The following EBF3 variants were observed in gnomAD, a reference collection of about 807,000 sequenced individuals.
The protein encoded by EBF3 is EBF transcription factor 3.
EBF3 carries 18 observed loss-of-function variants against 77.1 expected under a neutral mutation model. The observed-to-expected ratio is 0.23, with a 90% confidence interval of 0.16 to 0.35. The LOEUF is 0.35. EBF3 is among the 10% of genes least tolerant of loss of function. The pLI, the probability that EBF3 is intolerant of heterozygous loss-of-function variation, is 1.00. For synonymous variants in EBF3, 350 were observed against 343.5 expected, an observed-to-expected ratio of 1.02 and a Z score of -0.21; for missense variants, 558 against 860.0, an observed-to-expected ratio of 0.65 and a Z score of 4.39.
At chr10:129,896,499 G>A (rs913237911) in intron 6 of EBF3, among the ~76,000 whole-genome samples, 5 of 152,202 alleles carry the variant, frequency 3.3e-5, no homozygotes, top group Admixed American at 2.0e-4. Flanking sequence ...TGGACGGGGC[G>A]GGGGCCGGCG....
In EBF3 at chr10:129,903,840, C is replaced by T. The variant is rs115062575; in HGVS notation, c.555-25991G>A. On this transcript the variant is annotated intron_variant, in intron 6 of 16. Transcript: ENST00000440978. ...CATAGGAATCACAGCATTTTACTGC[C>T]GGGAGAGGAGTCTCAGATAGAATTC... Among the ~76,000 whole-genome samples, 228 of 152,156 alleles carry T rather than the reference C, an allele frequency of 1.5e-3. 1 individual carries two copies. The highest frequency in any genetic ancestry group is 5.3e-3 in the African/African-American group (221 of 41,518).
At chr10:129,958,903 G>GCGCCCC (rs1235899130) in intron 5 of EBF3, 31 bp downstream of exon 5, 3 of 1,580,792 alleles carry the variant, frequency 1.9e-6, no homozygotes, top group African/African-American at 2.8e-5. Context: ...GAGGCAGCCC[G>GCGCCCC]CGCCCCCGCC....
chr10:129,866,275 C>T (rs1477697207), intron 10 of EBF3, among the ~76,000 whole-genome samples: 1 of 152,148 alleles, frequency 6.6e-6, no homozygotes, highest in Non-Finnish European at 1.5e-5. Flanking sequence ...GCATACACCA[C>T]CATGCCCCAC....
At position 129,947,215 on chromosome 10, in the gene EBF3, T is replaced by C. The variant is rs903230593; in HGVS notation, c.554+10043A>G. On this transcript the variant is annotated intron_variant, in intron 6 of 16. Transcript: ENST00000440978. The surrounding 1 kb of genome is among the most constrained non-coding windows in gnomAD (Gnocchi z 4.5). ...GAGGGGCCGCCGGGGGACCACCCCA[T>C]CCCGGCACACTGATCTGATTTACAA... Among the ~76,000 whole-genome samples the C allele has an allele frequency of 2.0e-5, 3 of 152,220 alleles. No individual in the cohort carries two copies.
At position 129,938,154 on chromosome 10, in the gene EBF3, C is replaced by T. The variant is rs995448658; in HGVS notation, c.554+19104G>A. 3.9e-5 allele frequency among the ~76,000 whole-genome samples: 6 copies of T among 152,098 alleles called. No homozygotes were observed. The highest frequency in any genetic ancestry group is 5.9e-5 in the Non-Finnish European group (4 of 68,030). ...CTTCTGCTCCTGCTGAGTTTTTGTG[C>T]GAGGCTAGCCCCCCGCATGAGGCTT... On this transcript the variant is annotated intron_variant, in intron 6 of 16. Coordinates refer to ENST00000440978, the MANE Select transcript of EBF3 (RefSeq NM_001375380.1). This position sits in a 1 kb window ranked among gnomAD's most constrained non-coding sequence, Gnocchi z 5.1.
chr10:129,839,963 C>G (rs1293981451), intron 15 of EBF3, among the ~76,000 whole-genome samples: 1 of 152,092 alleles, frequency 6.6e-6, no homozygotes, highest in African/African-American at 2.4e-5. Flanking sequence ...CGTGGTCCCA[C>G]CCCCTTAGGG....
intron 6 of EBF3, among the ~76,000 whole-genome samples, chr10:129,920,418 G>T (rs947056342): frequency 1.1e-4 from 17 of 152,196 alleles, no homozygotes; most frequent in Non-Finnish European, 2.9e-5. Context: ...GTGATCTAGG[G>T]CGAATATCTG....
intron 10 of EBF3, among the ~76,000 whole-genome samples, chr10:129,866,433 G>T (rs541312132): frequency 6.6e-6 from 1 of 152,312 alleles, no homozygotes; most frequent in East Asian, 1.9e-4. Context: ...GTTTAGTTAC[G>T]GCATTTCTCA....
chr10:129,950,993 G>A (rs981832199), intron 6 of EBF3, among the ~76,000 whole-genome samples: 11 of 152,034 alleles, frequency 7.2e-5, no homozygotes, highest in African/African-American at 1.9e-4. Flanking sequence ...CTTCTTCAAC[G>A]TGTCTCCCTT....
rs376211617 is a variant in EBF3 at position 129,909,701 on chromosome 10, A to G, written c.555-31852T>C. ...CATGCTGGGTGCCTGCTTGTACCCC[A>G]TCCAAGCCTGCGAACCCCCATGCTG... On this transcript the variant is annotated intron_variant, in intron 6 of 16. Coordinates refer to ENST00000440978, the MANE Select transcript of EBF3 (RefSeq NM_001375380.1). Among the ~76,000 whole-genome samples the G allele has an allele frequency of 4.3e-3, 654 of 152,094 alleles. 4 individuals carry two copies. The highest frequency in any genetic ancestry group is 0.015 in the African/African-American group (633 of 41,500).
intron 6 of EBF3, among the ~76,000 whole-genome samples, chr10:129,896,657 GCTGAC>G (rs1363037074): frequency 2.0e-5 from 3 of 152,224 alleles, no homozygotes; most frequent in African/African-American, 7.2e-5. Flanking sequence ...CTTGAGCTCC[GCTGAC>G]CTCGCCGGTG....
rs1052524260 is a variant in EBF3, at chr10:129,938,404, A to T, written c.554+18854T>A. Among the ~76,000 whole-genome samples the T allele has an allele frequency of 5.3e-5, 8 of 149,894 alleles. No individual in the cohort carries two copies. The highest frequency in any genetic ancestry group is 2.0e-4 in the African/African-American group (8 of 40,774). ...AAAAAAAAAAAAAAAAAAGACAAAA[A>T]TTAGCCAGGCATGGTGGTGCACACC... On this transcript the variant is annotated intron_variant, in intron 6 of 16. Transcript: ENST00000440978. The surrounding 1 kb of genome is among the most constrained non-coding windows in gnomAD (Gnocchi z 5.1).
At chr10:129,898,627 A>G (rs1357727342) in intron 6 of EBF3, among the ~76,000 whole-genome samples, 1 of 152,196 alleles carries the variant, frequency 6.6e-6, no homozygotes, top group Non-Finnish European at 1.5e-5. Context: ...ATTTAAAACT[A>G]AACTGTTGGG....
Position 129,848,860 on chromosome 10 carries a change from C to G in EBF3, c.1040-380G>C, listed in dbSNP as rs949883920. ...ATTTATGGGAAACTGGCAATTATGA[C>G]ATATGTCCAGCTATTGCTAGCCTCA... On this transcript the variant is annotated intron_variant, in intron 10 of 16. Coordinates refer to ENST00000440978, the MANE Select transcript of EBF3 (RefSeq NM_001375380.1). This position sits in a 1 kb window ranked among gnomAD's most constrained non-coding sequence, Gnocchi z 4.4. 1.3e-5 allele frequency among the ~76,000 whole-genome samples: 2 copies of G among 152,220 alleles called. No homozygotes were observed. Among genetic ancestry groups the G allele is most frequent in the African/African-American group, 4.8e-5 (2 of 41,454 alleles).
intron 8 of EBF3, among the ~76,000 whole-genome samples, chr10:129,871,195 C>T (rs1852382160): frequency 6.6e-6 from 1 of 152,150 alleles, no homozygotes; most frequent in South Asian, 2.1e-4. Context: ...CTGGGCAGGG[C>T]TCGCGGAAGG....
At chr10:129,907,818 T>C (rs1367722089) in intron 6 of EBF3, among the ~76,000 whole-genome samples, 1 of 152,246 alleles carries the variant, frequency 6.6e-6, no homozygotes, top group Non-Finnish European at 1.5e-5. Context: ...TTGTCGCATG[T>C]AAAGTGCACT....
Position 129,861,332 on chromosome 10 carries a change from A to T in EBF3, c.1039+5809T>A, listed in dbSNP as rs1031158134. On this transcript the variant is annotated intron_variant, in intron 10 of 16. Transcript: ENST00000440978. The surrounding 1 kb of genome is among the most constrained non-coding windows in gnomAD (Gnocchi z 4.3). ...GCACGCCACCCCACTTGGTACGAAA[A>T]AAAAAGTCACCCTTTGCCATCCATA... 6.6e-6 allele frequency among the ~76,000 whole-genome samples: 1 copy of T among 152,188 alleles called. No homozygotes were observed. Among genetic ancestry groups the T allele is most frequent in the Non-Finnish European group, 1.5e-5 (1 of 68,040 alleles).
chr10:129,954,115 T>G (rs951925434), intron 6 of EBF3, among the ~76,000 whole-genome samples: 26 of 152,286 alleles, frequency 1.7e-4, no homozygotes, highest in South Asian at 1.2e-3. Context: ...ACATGTGTGT[T>G]TGTGTGTGTG....
intron 14 of EBF3, 24 bp downstream of exon 14, chr10:129,840,820 C>A: frequency 1.2e-6 from 2 of 1,603,590 alleles, no homozygotes; most frequent in South Asian, 2.2e-5. Flanking sequence ...TGCGTGATGA[C>A]GTGTGACAAA....
Sources: allele counts gnomAD v4.1 joint callset (sites outside exome capture counted in the v4.1 genomes callset), GRCh38; gene constraint gnomAD v4.1.1; non-coding constraint Gnocchi (gnomAD v3.1); transcripts MANE v1.5; gene names NCBI Gene and HGNC (gene_info 2026-07-23, HGNC 2026-07-21).